Variants in SLC8A1 observed in about 807,000 individuals in gnomAD.
SLC8A1 encodes the protein solute carrier family 8 member A1, also known as sodium/calcium exchanger 1.
Under a neutral mutation model 68.3 loss-of-function variants are expected in SLC8A1, and 18 were observed. The observed-to-expected ratio is 0.26, with a 90% CI of 0.18 to 0.39. The LOEUF is 0.39. Among genes scored for constraint, SLC8A1 ranks in the 10% least tolerant of loss-of-function variants. The pLI is 1.00. For synonymous variants in SLC8A1, 475 were observed against 415.5 expected (o/e 1.14, Z -1.74); for missense variants, 985 against 1,156.7 (o/e 0.85, Z 2.15).
At chr2:40,102,638 G>A (rs1325361108) in exon 8 of SLC8A1, 1 of 152,138 alleles carries the variant, frequency 6.6e-6, no homozygotes, top group Non-Finnish European at 1.5e-5. Flanking sequence ...GAGGAAGAAA[G>A]GCTAAATCTA....
chr2:40,452,277 G>C (rs6758149), upstream of SLC8A1, among the ~76,000 whole-genome samples: 1 of 151,256 alleles, frequency 6.6e-6, no homozygotes, highest in South Asian at 2.1e-4. Flanking sequence ...GGCCCCCTGC[G>C]CGCCCCTTGG....
intron 2 of SLC8A1, among the ~76,000 whole-genome samples, chr2:40,375,450 T>C (rs956391528): frequency 6.6e-6 from 1 of 152,138 alleles, no homozygotes; most frequent in Non-Finnish European, 1.5e-5. Context: ...CAGCTCATTT[T>C]AAAAAATAAG....
chr2:40,174,695 AT>A lies in SLC8A1; in HGVS notation c.1930+129del, dbSNP rs759422011. 13 of 1,508,438 alleles carry A rather than the reference AT, an allele frequency of 8.6e-6. No homozygotes were observed. The highest frequency in any genetic ancestry group is 1.1e-5 in the Non-Finnish European group (12 of 1,096,910). 93.4% of individuals were successfully genotyped at this position (1,508,438 alleles called of 1,614,324 possible). ...GGGAAAAATAAGGAACATTAAAAAA[AT>A]AAGTCTTACCAAACAGGTATTTTCC... On this transcript the variant is annotated intron_variant, in intron 4 of 7. Transcript: ENST00000406785.
intron 1 of SLC8A1, among the ~76,000 whole-genome samples, chr2:40,449,700 A>G (rs1702087536): frequency 6.6e-6 from 1 of 152,212 alleles, no homozygotes; most frequent in Non-Finnish European, 1.5e-5. Context: ...GTAGATAGAT[A>G]CATAGAAAAT....
chr2:40,444,380 C>G (rs1053273816), intron 1 of SLC8A1, among the ~76,000 whole-genome samples: 2 of 152,104 alleles, frequency 1.3e-5, no homozygotes, highest in African/African-American at 4.8e-5. Flanking sequence ...CCCTAGCCCC[C>G]ACCTTTCCCA....
chr2:40,127,298 A>T (rs2038324056), intron 7 of SLC8A1, among the ~76,000 whole-genome samples: 1 of 152,168 alleles, frequency 6.6e-6, no homozygotes, highest in African/African-American at 2.4e-5. Context: ...AGGTTCTTCT[A>T]TGTGGTTTAC....
intron 2 of SLC8A1, among the ~76,000 whole-genome samples, chr2:40,216,485 T>G (rs2057507173): frequency 6.6e-6 from 1 of 152,208 alleles, no homozygotes; most frequent in African/African-American, 2.4e-5. Context: ...GTCTTTATAG[T>G]AGAATGATTT....
At chr2:40,383,342 A>G (rs1485690380) in intron 2 of SLC8A1, among the ~76,000 whole-genome samples, 4 of 152,106 alleles carry the variant, frequency 2.6e-5, no homozygotes, top group Non-Finnish European at 5.9e-5. Flanking sequence ...CAAAATAACA[A>G]ACATTATATT....
intron 2 of SLC8A1, among the ~76,000 whole-genome samples, chr2:40,360,062 GTTTAA>G (rs1159175165): frequency 1.3e-5 from 2 of 152,244 alleles, no homozygotes; most frequent in South Asian, 2.1e-4. Context: ...AGTTTTAAGT[GTTTAA>G]TTTATTTAAT....
chr2:40,191,139 A>G (rs753933533), intron 2 of SLC8A1, among the ~76,000 whole-genome samples: 1 of 152,188 alleles, frequency 6.6e-6, no homozygotes, highest in Non-Finnish European at 1.5e-5. Context: ...AATATAGTAT[A>G]AACTACAAAG....
chr2:40,117,187 T>A (rs1017784040), intron 7 of SLC8A1, among the ~76,000 whole-genome samples: 13 of 152,090 alleles, frequency 8.5e-5, no homozygotes, highest in Admixed American at 3.3e-4. Flanking sequence ...AATAGCTTCC[T>A]GTATTAAGCA....
At chr2:40,280,453 G>A (rs2067348216) in intron 2 of SLC8A1, among the ~76,000 whole-genome samples, 1 of 152,130 alleles carries the variant, frequency 6.6e-6, no homozygotes, top group East Asian at 1.9e-4. Flanking sequence ...CTTTCTTGAT[G>A]TAAAACACTG....
intron 2 of SLC8A1, among the ~76,000 whole-genome samples, chr2:40,335,152 T>C (rs1319957932): frequency 6.6e-6 from 1 of 152,240 alleles, no homozygotes; most frequent in African/African-American, 2.4e-5. Context: ...GGATATGATA[T>C]AGATATACAA....
chr2:40,215,880 C>T (rs1316576542), intron 2 of SLC8A1, among the ~76,000 whole-genome samples: 1 of 152,010 alleles, frequency 6.6e-6, no homozygotes, highest in Admixed American at 6.6e-5. Context: ...TTCTCAGCTC[C>T]AAAACCAGTG....
At chr2:40,151,803 T>A (rs2043491697) in intron 6 of SLC8A1, among the ~76,000 whole-genome samples, 1 of 152,236 alleles carries the variant, frequency 6.6e-6, no homozygotes, top group South Asian at 2.1e-4. Flanking sequence ...TTATCATGTT[T>A]TCTTTAAAGT....
At chr2:40,353,093 C>T (rs1671622716) in intron 2 of SLC8A1, among the ~76,000 whole-genome samples, 1 of 152,118 alleles carries the variant, frequency 6.6e-6, no homozygotes, top group African/African-American at 2.4e-5. Context: ...CCTTGTGCAC[C>T]TATAACTTTC....
Position 40,259,373 on chromosome 2 carries a change from C to T in SLC8A1, c.1809-81518G>A, listed in dbSNP as rs79352534. ...GAGATCCACTTAACAGAAGTCCTAC[C>T]CTCTAGATATTGCCTTATTTGAAAA... On this transcript the variant is annotated intron_variant, in intron 2 of 7. Coordinates refer to ENST00000406785, the Ensembl canonical transcript of SLC8A1. Among the ~76,000 whole-genome samples, 1,153 of 152,320 alleles carry T rather than the reference C, an allele frequency of 7.6e-3. 8 individuals are homozygous for T. The highest frequency in any genetic ancestry group is 0.031 in the Middle Eastern group (9 of 294).
chr2:40,433,134 A>C (rs908061970), intron 1 of SLC8A1, among the ~76,000 whole-genome samples: 1 of 152,136 alleles, frequency 6.6e-6, no homozygotes, highest in Admixed American at 6.6e-5. Context: ...AGCCAAAATG[A>C]AATTCCTAAA....
chr2:40,437,303 A>C (rs1242147640), intron 1 of SLC8A1, among the ~76,000 whole-genome samples: 2 of 152,276 alleles, frequency 1.3e-5, no homozygotes, highest in East Asian at 3.9e-4. Context: ...CCACCTGAAT[A>C]AATGTGTGTA....
Sources: gnomAD v4.1 joint callset for allele counts (sites outside exome capture counted in the v4.1 genomes callset) on GRCh38, gnomAD v4.1.1 for gene constraint, MANE v1.5 for transcripts, NCBI Gene and HGNC (gene_info 2026-07-23, HGNC 2026-07-21) for gene names.